The following ZMYM1 variants were observed in gnomAD, a reference collection of about 807,000 sequenced individuals.
ZMYM1 encodes zinc finger MYM-type containing 1.
A neutral mutation model predicts 60.0 loss-of-function variants in ZMYM1; 39 were observed. That is an observed-to-expected ratio of 0.65 (90% CI 0.50 to 0.85). The LOEUF is 0.85. ZMYM1 is among the 40% of genes least tolerant of loss of function. The pLI, the probability that ZMYM1 is intolerant of heterozygous loss-of-function variation, is 0.00. For missense variants in ZMYM1, 1,171 were observed against 1,309.5 expected, an observed-to-expected ratio of 0.89 and a Z score of 1.63; for synonymous variants, 413 against 454.0, an observed-to-expected ratio of 0.91 and a Z score of 1.15.
intron 1 of ZMYM1, among the ~76,000 whole-genome samples, chr1:35,071,825 T>C (rs1372721567): frequency 6.6e-6 from 1 of 152,230 alleles, no homozygotes; most frequent in East Asian, 1.9e-4. Context: ...CATTAGTTCT[T>C]CTTTAAATGT....
At chr1:35,116,069 A>ATT (rs113648122), downstream of ZMYM1, among the ~76,000 whole-genome samples, 1 of 147,202 alleles carries the variant, frequency 6.8e-6, no homozygotes, top group African/African-American at 2.5e-5. Flanking sequence ...CATCACTACA[A>ATT]TTTTTTTTTT....
At chr1:35,107,994 C>T (rs1643950202) in intron 6 of ZMYM1, among the ~76,000 whole-genome samples, 1 of 151,986 alleles carries the variant, frequency 6.6e-6, no homozygotes, top group Non-Finnish European at 1.5e-5. Flanking sequence ...CTAATAATCC[C>T]AGCTACCCGG....
chr1:35,108,295 GA>G (rs1643961584), intron 6 of ZMYM1, among the ~76,000 whole-genome samples: 1 of 152,108 alleles, frequency 6.6e-6, no homozygotes, highest in African/African-American at 2.4e-5. Context: ...TTCTCTCACA[GA>G]AAAATAAAAC....
chr1:35,060,147 T>TTATTAC (rs1641845016), intron 1 of ZMYM1, among the ~76,000 whole-genome samples: 1 of 88,914 alleles, frequency 1.1e-5, no homozygotes, highest in Non-Finnish European at 2.0e-5. Flanking sequence ...TTTGTTGTTA[T>TTATTAC]TATTATTATT....
In ZMYM1 at chr1:35,112,189, T is replaced by G. The variant is rs1644111718; in HGVS notation, c.1146+59T>G. The G allele has an allele frequency of 2.6e-6, 4 of 1,566,518 alleles. No individual in the cohort carries two copies. The African/African-American group carries it at 4.1e-5, about 16-fold the overall frequency. ...TTAATAAGCAGATTTTTGTTGTTGTTGTTGTTGAGACAGAGTCTCGCTCTG... is the reference window on the plus strand; with the variant it reads ...TTAATAAGCAGATTTTTGTTGTTGTGGTTGTTGAGACAGAGTCTCGCTCTG... On this transcript the variant is annotated intron_variant, in intron 9 of 9. Coordinates refer to ENST00000359858, the MANE Select transcript of ZMYM1 (RefSeq NM_024772.5).
At chr1:35,075,592 C>T (rs1043364060), upstream of ZMYM1, among the ~76,000 whole-genome samples, 6 of 152,094 alleles carry the variant, frequency 3.9e-5, no homozygotes, top group Non-Finnish European at 7.4e-5. Context: ...GTAGAGGCTG[C>T]CCCCTTGCCT....
intron 6 of ZMYM1, among the ~76,000 whole-genome samples, chr1:35,106,416 C>T (rs1339367357): frequency 6.6e-6 from 1 of 151,996 alleles, no homozygotes; most frequent in Non-Finnish European, 1.5e-5. Flanking sequence ...GGAGACCAGC[C>T]TGGCCAACAT....
At chr1:35,100,498 T>A (rs1298907022) in intron 4 of ZMYM1, among the ~76,000 whole-genome samples, 1 of 151,802 alleles carries the variant, frequency 6.6e-6, no homozygotes, top group Non-Finnish European at 1.5e-5. Flanking sequence ...GGTGTGTGCC[T>A]GTAAACCCAG....
chr1:35,117,019 A>C (rs1181541378), downstream of ZMYM1, among the ~76,000 whole-genome samples: 4 of 146,402 alleles, frequency 2.7e-5, no homozygotes, highest in African/African-American at 1.0e-4. Context: ...AATTTTTTGT[A>C]TTTTTAGTAG....
At chr1:35,067,101 C>T (rs540852669) in intron 1 of ZMYM1, among the ~76,000 whole-genome samples, 5 of 152,170 alleles carry the variant, frequency 3.3e-5, no homozygotes, top group African/African-American at 7.2e-5. Flanking sequence ...GCCTCAGCCT[C>T]CTGAGTAGCT....
intron 4 of ZMYM1, among the ~76,000 whole-genome samples, chr1:35,103,298 A>C (rs1166902391): frequency 6.6e-6 from 1 of 152,180 alleles, no homozygotes; most frequent in Admixed American, 6.5e-5. Context: ...ACCAGTATGC[A>C]TTATATCTAT....
At chr1:35,088,593 C>A (rs1160252216) in intron 1 of ZMYM1, among the ~76,000 whole-genome samples, 3 of 149,740 alleles carry the variant, frequency 2.0e-5, no homozygotes, top group Non-Finnish European at 4.4e-5. Context: ...CTATTAATAC[C>A]TGTACTCTTT....
chr1:35,101,455 A>G (rs1643653141), intron 4 of ZMYM1, among the ~76,000 whole-genome samples: 1 of 147,790 alleles, frequency 6.8e-6, no homozygotes, highest in African/African-American at 2.5e-5. Flanking sequence ...GAAGCCAGCA[A>G]TCTAGTATGC....
At chr1:35,096,556 G>T (rs1300696357) in intron 3 of ZMYM1, among the ~76,000 whole-genome samples, 1 of 150,138 alleles carries the variant, frequency 6.7e-6, no homozygotes, top group African/African-American at 2.5e-5. Context: ...TTCTGAGATG[G>T]AGTTTCCGCT....
chr1:35,097,394 A>G lies in ZMYM1; in HGVS notation c.247A>G (p.Thr83Ala). ...VNKMLPSVSTTAIQVSCAGCK... is the reference protein window; with the variant it reads ...VNKMLPSVSTAAIQVSCAGCK... ...TAAAATGCTTCCTTCAGTTTCAACC[A>G]CAGCTATTCAGGTTTCCTGTGCTGG... is the stretch of plus-strand genomic sequence containing the variant. The change falls in exon 4 of 10, where the codon ACA becomes GCA. Residue 83 changes from threonine to alanine, a missense_variant. By Grantham distance (58) the Thr-to-Ala change is moderately conservative. Coordinates refer to ENST00000359858, the MANE Select transcript of ZMYM1 (RefSeq NM_024772.5). 6.2e-7 allele frequency: 1 copy of G among 1,614,106 alleles called. No homozygotes were observed. The highest frequency in any genetic ancestry group is 2.2e-5 in the East Asian group (1 of 44,868).
At chr1:35,087,911 C>T (rs58721526) in intron 1 of ZMYM1, among the ~76,000 whole-genome samples, 3 of 151,520 alleles carry the variant, frequency 2.0e-5, no homozygotes, top group South Asian at 2.1e-4. Context: ...AAATACAAAA[C>T]TTAGCCAGGC....
chr1:35,074,798 T>C (rs369585047), upstream of ZMYM1, among the ~76,000 whole-genome samples: 407 of 152,288 alleles, frequency 2.7e-3, 2 homozygotes, highest in South Asian at 7.7e-3. Context: ...TCTATCTCTT[T>C]AGCTCTAGTA....
chr1:35,094,612 T>C (rs1401859734), intron 2 of ZMYM1, among the ~76,000 whole-genome samples: 1 of 152,186 alleles, frequency 6.6e-6, no homozygotes, highest in Non-Finnish European at 1.5e-5. Flanking sequence ...CCCAGAACTT[T>C]GGGAGGCCAA....
At chr1:35,108,986 G>A (rs571342294) in intron 6 of ZMYM1, among the ~76,000 whole-genome samples, 8 of 151,656 alleles carry the variant, frequency 5.3e-5, no homozygotes, top group South Asian at 2.1e-4. Flanking sequence ...CTGGGATTAC[G>A]GGCAAGAGCC....
Sources: gnomAD v4.1 joint callset for allele counts (sites outside exome capture counted in the v4.1 genomes callset) on GRCh38, gnomAD v4.1.1 for gene constraint, MANE v1.5 for transcripts, NCBI Gene and HGNC (gene_info 2026-07-23, HGNC 2026-07-21) for gene names.